NFATC1: variants seen among roughly 807,000 people sequenced by gnomAD.
NFATC1 encodes nuclear factor of activated T cells 1.
NFATC1 carries 22 observed loss-of-function variants against 76.0 expected under a neutral mutation model. That is an observed-to-expected ratio of 0.29 (90% CI 0.21 to 0.41). The LOEUF (loss-of-function observed/expected upper bound fraction) is 0.41, where lower values mean the gene tolerates loss of function less well. Ranked by LOEUF, NFATC1 falls within the 10% of genes least tolerant of loss-of-function variation. The pLI, the probability that NFATC1 is intolerant of heterozygous loss-of-function variation, is 1.00. For synonymous variants in NFATC1, 704 were observed against 613.1 expected (o/e 1.15, Z -2.19); for missense variants, 1,357 against 1,337.7 (o/e 1.01, Z -0.23).
At position 79,473,747 on chromosome 18, in the gene NFATC1, TTG is replaced by T. The variant is rs2088892229; in HGVS notation, c.2092+6168_2092+6169del. ...CGTGTTCTCACACTCACTGTCGACG[TTG>T]TGAGGGAAGTGTATTCTCACGCTGT... On this transcript the variant is annotated intron_variant, in intron 8 of 9. Coordinates refer to ENST00000427363, the MANE Select transcript of NFATC1 (RefSeq NM_001278669.2). Among the ~76,000 whole-genome samples the T allele has an allele frequency of 5.4e-5, 8 of 147,668 alleles. No homozygotes were observed. The South Asian group carries it at 1.7e-3, about 32-fold the overall frequency.
intron 6 of NFATC1, among the ~76,000 whole-genome samples, chr18:79,456,260 C>T (rs747106108): frequency 2.6e-5 from 4 of 152,236 alleles, no homozygotes; most frequent in South Asian, 2.1e-4. Context: ...ACACATTCAC[C>T]GCGGCGAGTG....
chr18:79,400,322 C>A, intron 1 of NFATC1: 1 of 1,319,076 alleles, frequency 7.6e-7, no homozygotes, highest in Non-Finnish European at 9.7e-7. Context: ...GACGCGCGGG[C>A]AGCGCCGGGA....
intron 9 of NFATC1, among the ~76,000 whole-genome samples, chr18:79,507,409 G>A (rs1176154542): frequency 1.3e-5 from 2 of 152,232 alleles, no homozygotes; most frequent in Non-Finnish European, 2.9e-5. Flanking sequence ...GGCGTGGCCG[G>A]CAGGCTGTGG....
chr18:79,396,070 C>A lies in NFATC1; in HGVS notation c.-155C>A. On this transcript the variant is annotated 5_prime_UTR_variant, in exon 1 of 10. Transcript: ENST00000427363. ...CTAGGGCCGCGGCCGGGCCCCGCCA[C>A]GCGCGCACACGCCCCTCGATGACTT... 1 of 949,454 alleles carries A rather than the reference C, an allele frequency of 1.1e-6. No individual in the cohort carries two copies. Among genetic ancestry groups the A allele is most frequent in the Non-Finnish European group, 1.3e-6 (1 of 756,742 alleles). 58.8% of individuals were successfully genotyped at this position (949,454 alleles called of 1,614,324 possible). A position where few individuals can be genotyped will look rare whatever the true frequency, so the allele number is the denominator to read the frequency against.
chr18:79,502,614 C>CT (rs1435884667), intron 9 of NFATC1, among the ~76,000 whole-genome samples: 1 of 152,172 alleles, frequency 6.6e-6, no homozygotes, highest in Non-Finnish European at 1.5e-5. Context: ...ACAAAGAACA[C>CT]TTACAGCTCA....
intron 2 of NFATC1, among the ~76,000 whole-genome samples, chr18:79,415,816 C>A (rs2085857512): frequency 6.6e-6 from 1 of 151,988 alleles, no homozygotes; most frequent in Non-Finnish European, 1.5e-5. Context: ...AATCCCAGCA[C>A]TTTGGGAGGC....
chr18:79,495,668 C>T (rs939988242), intron 9 of NFATC1, among the ~76,000 whole-genome samples: 3 of 152,262 alleles, frequency 2.0e-5, no homozygotes, highest in African/African-American at 7.2e-5. Flanking sequence ...GAGACCAAGC[C>T]CTGATGTTCA....
At chr18:79,479,345 C>T (rs967829874) in intron 8 of NFATC1, among the ~76,000 whole-genome samples, 10 of 150,820 alleles carry the variant, frequency 6.6e-5, no homozygotes, top group Non-Finnish European at 1.2e-4. Context: ...GCCCCCTCCA[C>T]GGGCGACAGC....
chr18:79,422,649 G>A (rs1045674089), intron 2 of NFATC1: 1 of 152,290 alleles, frequency 6.6e-6, no homozygotes, highest in African/African-American at 2.4e-5. Flanking sequence ...GCGAGGCCCT[G>A]TTCCCACTGC....
At chr18:79,470,043 G>A in intron 8 of NFATC1, 1 of 981,376 alleles carries the variant, frequency 1.0e-6, no homozygotes, top group South Asian at 4.7e-5. Context: ...CGTCCCGCGT[G>A]CCCGCTGCAC....
intron 2 of NFATC1, among the ~76,000 whole-genome samples, chr18:79,423,283 G>A (rs943872482): frequency 5.9e-5 from 9 of 152,198 alleles, no homozygotes; most frequent in Admixed American, 1.3e-4. Context: ...GATCCCGCGC[G>A]CTCCCGGTCT....
chr18:79,521,114 G>T (rs1379919209), intron 9 of NFATC1, among the ~76,000 whole-genome samples: 8 of 113,696 alleles, frequency 7.0e-5, no homozygotes, highest in African/African-American at 1.0e-4. Context: ...TGTGTGTGTG[G>T]GGGGCGTCTG....
chr18:79,473,374 GCTTA>G (rs1047752702), intron 8 of NFATC1, among the ~76,000 whole-genome samples: 1 of 152,122 alleles, frequency 6.6e-6, no homozygotes, highest in African/African-American at 2.4e-5. Context: ...GTGTTCTCAC[GCTTA>G]CTGTCAACGT....
At chr18:79,424,767 G>GTCTC (rs202013940) in intron 2 of NFATC1, among the ~76,000 whole-genome samples, 1 of 141,362 alleles carries the variant, frequency 7.1e-6, no homozygotes, top group Non-Finnish European at 1.5e-5. Flanking sequence ...CTGTTTCTCT[G>GTCTC]TCTCTCTCTG....
intron 2 of NFATC1, among the ~76,000 whole-genome samples, chr18:79,419,468 C>T (rs1164066472): frequency 1.3e-5 from 2 of 149,370 alleles, no homozygotes; most frequent in African/African-American, 4.9e-5. Flanking sequence ...CCGGCACCTG[C>T]CTGCCCGGGA....
intron 2 of NFATC1, among the ~76,000 whole-genome samples, chr18:79,426,886 C>A (rs545298364): frequency 6.6e-6 from 1 of 152,274 alleles, no homozygotes; most frequent in South Asian, 2.1e-4. Context: ...CCGGGAGCGC[C>A]TTGCATTTTG....
intron 2 of NFATC1, among the ~76,000 whole-genome samples, chr18:79,413,388 T>C (rs1309135060): frequency 6.6e-6 from 1 of 152,168 alleles, no homozygotes; most frequent in African/African-American, 2.4e-5. Flanking sequence ...GGCTGTTCTT[T>C]TGGAGGCTGT....
chr18:79,426,274 C>T (rs1235625841), intron 2 of NFATC1, among the ~76,000 whole-genome samples: 24 of 151,044 alleles, frequency 1.6e-4, no homozygotes, highest in Admixed American at 6.6e-5. Context: ...CCAGCGCAGA[C>T]GGCATCTCTG....
chr18:79,467,497 C>A lies in NFATC1; in HGVS notation c.2007C>A (p.Thr669=), dbSNP rs1173103912. ...CGCCATTTCGGAATCAGAGGATAAC[C>A]AGCCCCGTTCACGTCAGTTTCTACG... is the stretch of plus-strand genomic sequence containing the variant. The part of the protein sequence containing the change: ...EIPPFRNQRI[T]SPVHVSFYVC... Residue 669 remains threonine (T), a synonymous_variant, in exon 8 of 10, where the codon ACC becomes ACA. Coordinates refer to ENST00000427363, the MANE Select transcript of NFATC1 (RefSeq NM_001278669.2). 1 of 1,612,720 alleles carries A rather than the reference C, an allele frequency of 6.2e-7. No homozygotes were observed. The highest frequency in any genetic ancestry group is 2.2e-5 in the East Asian group (1 of 44,784).
Sources: allele counts gnomAD v4.1 joint callset (sites outside exome capture counted in the v4.1 genomes callset), GRCh38; gene constraint gnomAD v4.1.1; transcripts MANE v1.5; gene names NCBI Gene and HGNC (gene_info 2026-07-23, HGNC 2026-07-21).